The following KCNQ2 variants were observed in gnomAD, a reference collection of about 807,000 sequenced individuals.
The protein encoded by KCNQ2 is potassium voltage-gated channel subfamily KQT member 2.
In KCNQ2, 14 loss-of-function variants were observed where a neutral mutation model predicts 84.8. The observed-to-expected ratio is 0.17, with a 90% CI of 0.11 to 0.26. The LOEUF is 0.26. KCNQ2 is among the 10% of genes least tolerant of loss of function. The pLI, the probability that KCNQ2 is intolerant of heterozygous loss-of-function variation, is 1.00. For missense variants in KCNQ2, 788 were observed against 1,254.0 expected (o/e 0.63, Z 5.61); for synonymous variants, 599 against 554.1 (o/e 1.08, Z -1.14).
chr20:63,417,927 G>A (rs1032112401), intron 12 of KCNQ2, among the ~76,000 whole-genome samples: 12 of 152,236 alleles, frequency 7.9e-5, no homozygotes, highest in African/African-American at 2.4e-4. Context: ...GAAGGAGCCT[G>A]CCCTGGCCTC....
intron 8 of KCNQ2, 149 bp from the exon 9 acceptor site, chr20:63,431,518 G>T: frequency 1.1e-6 from 1 of 878,082 alleles, no homozygotes; most frequent in Non-Finnish European, 1.9e-6. Context: ...TTCTGTCCCT[G>T]CCCTGGGCTG....
chr20:63,469,046 C>T (rs141583002), intron 1 of KCNQ2, among the ~76,000 whole-genome samples: 2 of 152,364 alleles, frequency 1.3e-5, no homozygotes, highest in South Asian at 2.1e-4. Flanking sequence ...CAGCAACCCA[C>T]GCGGGGATCC....
At chr20:63,470,720 G>C (rs1175188224) in intron 1 of KCNQ2, 1 of 152,298 alleles carries the variant, frequency 6.6e-6, no homozygotes, top group Non-Finnish European at 1.5e-5. Flanking sequence ...ACCTTGGGCA[G>C]GGACCTGGCT....
Position 63,401,102 on chromosome 20 carries a change from A to C in KCNQ2, c.*5542T>G, listed in dbSNP as rs1214067632. On this transcript the variant is annotated 3_prime_UTR_variant, in exon 17 of 17. Transcript: ENST00000359125. The stretch of plus-strand genomic sequence containing the variant: ...ACCTCTCAGGACGGGGCCCCTGGCC[A>C]GAGCCAGTCTCCTCGGCCAGCCAGG... The C allele has an allele frequency of 7.8e-6, 3 of 383,068 alleles. No homozygotes were observed. Among genetic ancestry groups the C allele is most frequent in the Non-Finnish European group, 1.4e-5 (3 of 216,710 alleles). 23.7% of individuals were successfully genotyped at this position (383,068 alleles called of 1,614,324 possible). A position where few individuals can be genotyped will look rare whatever the true frequency, so the allele number is the denominator to read the frequency against.
chr20:63,409,830 C>A (rs1206425467), intron 15 of KCNQ2: 1 of 137,648 alleles, frequency 7.3e-6, no homozygotes, highest in Non-Finnish European at 1.5e-5. Context: ...CCCTACCTGC[C>A]TCTGATGGGG....
chr20:63,445,763 GACCCT>G (rs1568942952), intron 2 of KCNQ2, among the ~76,000 whole-genome samples: 3 of 149,034 alleles, frequency 2.0e-5, no homozygotes, highest in Admixed American at 6.7e-5. Flanking sequence ...TGAGCTGGGG[GACCCT>G]GTCTGAGCTG....
intron 4 of KCNQ2, among the ~76,000 whole-genome samples, chr20:63,442,953 TCACCATCACCACCACCAC>T (rs2081255817): frequency 1.8e-4 from 4 of 21,870 alleles, no homozygotes; most frequent in Non-Finnish European, 3.6e-4. Context: ...ATCACCATCA[TCACCATCACCACCACCAC>T]CACCATCACC....
At position 63,414,873 on chromosome 20, in the gene KCNQ2, T is replaced by A; in HGVS notation, c.1525+30A>T. On this transcript the variant is annotated intron_variant, in intron 13 of 16. Coordinates refer to ENST00000359125, the MANE Select transcript of KCNQ2 (RefSeq NM_172107.4). The surrounding 1 kb of genome is among the most constrained non-coding windows in gnomAD (Gnocchi z 6.6). ...CCACCACATCCATCCCCGGAGAGGA[T>A]GGACCAGGAGAGGATGCGGCCACAC... is the stretch of plus-strand genomic sequence containing the variant. 1.5e-5 allele frequency: 24 copies of A among 1,604,742 alleles called. No homozygotes were observed. Among genetic ancestry groups the A allele is most frequent in the Non-Finnish European group, 2.0e-5 (23 of 1,173,782 alleles).
intron 4 of KCNQ2, 95 bp from the exon 5 acceptor site, chr20:63,442,626 C>G: frequency 1.6e-6 from 2 of 1,263,288 alleles, no homozygotes; most frequent in Non-Finnish European, 2.3e-6. Context: ...AACACCATGA[C>G]CACCATCACC....
chr20:63,432,760 AAGGCTCCACCCTCAGG>A, intron 8 of KCNQ2, among the ~76,000 whole-genome samples: 1 of 128,178 alleles, frequency 7.8e-6, no homozygotes, highest in Non-Finnish European at 1.8e-5. Context: ...ACCCACAGGG[AAGGCTCCACCCTCAGG>A]GAAGGCCCCA....
chr20:63,432,295 G>T (rs369656788), intron 8 of KCNQ2, among the ~76,000 whole-genome samples: 6 of 148,510 alleles, frequency 4.0e-5, no homozygotes, highest in East Asian at 4.0e-4. Context: ...CTCAGGGAAG[G>T]CTCCACCCAC....
intron 15 of KCNQ2, among the ~76,000 whole-genome samples, chr20:63,409,368 G>C (rs1601552185): frequency 6.6e-6 from 1 of 152,252 alleles, no homozygotes; most frequent in African/African-American, 2.4e-5. Context: ...TCTCCAATGA[G>C]GCCACAGGTC....
At chr20:63,444,254 G>A (rs2145772362) in intron 4 of KCNQ2, among the ~76,000 whole-genome samples, 1 of 152,362 alleles carries the variant, frequency 6.6e-6, no homozygotes, top group Admixed American at 6.5e-5. Context: ...CCCCCGGACA[G>A]CGGCCGCCGC....
Position 63,446,968 on chromosome 20 carries a change from C to T in KCNQ2, c.297-131G>A, listed in dbSNP as rs2081447763. On this transcript the variant is annotated intron_variant, in intron 1 of 16. Transcript: ENST00000359125. The surrounding 1 kb of genome is among the most constrained non-coding windows in gnomAD (Gnocchi z 5.5). The stretch of plus-strand genomic sequence containing the variant: ...CCAGCATGGCCGCGTCTCCAGAACG[C>T]AGGACCCCACTCCCCACCCACCCCA... 9 of 797,460 alleles carry T rather than the reference C, an allele frequency of 1.1e-5. No homozygotes were observed. The highest frequency in any genetic ancestry group is 5.2e-5 in the East Asian group (2 of 38,250). 49.4% of individuals were successfully genotyped at this position (797,460 alleles called of 1,614,324 possible). A position where few individuals can be genotyped will look rare whatever the true frequency, so the allele number is the denominator to read the frequency against.
intron 7 of KCNQ2, among the ~76,000 whole-genome samples, chr20:63,436,497 C>G (rs2081011654): frequency 6.6e-6 from 1 of 151,336 alleles, no homozygotes; most frequent in African/African-American, 2.4e-5. Context: ...CACCACTGCA[C>G]TCCAGCCTGG....
intron 1 of KCNQ2, among the ~76,000 whole-genome samples, chr20:63,462,634 C>T (rs1019173969): frequency 6.6e-6 from 1 of 152,198 alleles, no homozygotes; most frequent in African/African-American, 2.4e-5. Flanking sequence ...GGGATGAGAA[C>T]ATTTTTACAG....
rs745502158 is a variant in KCNQ2 at position 63,470,144 on chromosome 20, C to G, written c.296+2024G>C. Among the ~76,000 whole-genome samples the G allele has an allele frequency of 9.7e-4, 148 of 152,328 alleles. 1 individual carries two copies. The highest frequency in any genetic ancestry group is 1.0e-4 in the Non-Finnish European group (7 of 68,032). On this transcript the variant is annotated intron_variant, in intron 1 of 16. Transcript: ENST00000359125. ...GACCAGAAACCCTGCTCTCCAGCCC[C>G]GCCGCTTAGAAAAAATCCCCCTCCC...
intron 1 of KCNQ2, among the ~76,000 whole-genome samples, chr20:63,457,194 C>T (rs1335578038): frequency 6.6e-6 from 1 of 152,264 alleles, no homozygotes; most frequent in Non-Finnish European, 1.5e-5. Context: ...ACAAGGGCCA[C>T]GCTCCTGCAG....
intron 4 of KCNQ2, among the ~76,000 whole-genome samples, chr20:63,442,969 CACCACCATCACCACCATT>C: frequency 1.8e-5 from 2 of 109,888 alleles, no homozygotes; most frequent in African/African-American, 3.8e-5. Flanking sequence ...TCACCACCAC[CACCACCATCACCACCATT>C]ACCATCACCA....
Sources: gnomAD v4.1 joint callset for allele counts (sites outside exome capture counted in the v4.1 genomes callset) on GRCh38, gnomAD v4.1.1 for gene constraint, Gnocchi (gnomAD v3.1) non-coding constraint, MANE v1.5 for transcripts, NCBI Gene and HGNC (gene_info 2026-07-23, HGNC 2026-07-21) for gene names.